Variants in SAMSN1 observed in about 807,000 individuals in gnomAD.
SAMSN1 encodes SAM domain, SH3 domain and nuclear localization signals 1.
SAMSN1 carries 31 observed loss-of-function variants against 42.0 expected under a neutral mutation model. That is an observed-to-expected ratio of 0.74 (90% CI 0.55 to 1.00). The LOEUF (loss-of-function observed/expected upper bound fraction) is 1.00. Among genes scored for constraint, SAMSN1 ranks in the 50% least tolerant of loss-of-function variants. SAMSN1 has a pLI of 0.00. For missense variants in SAMSN1, 464 were observed against 439.4 expected, an observed-to-expected ratio of 1.06 and a Z score of -0.50; for synonymous variants, 178 against 151.9, an observed-to-expected ratio of 1.17 and a Z score of -1.26.
intron 1 of SAMSN1, among the ~76,000 whole-genome samples, chr21:14,539,312 G>A (rs1979844974): frequency 6.6e-6 from 1 of 152,188 alleles, no homozygotes; most frequent in Non-Finnish European, 1.5e-5. Context: ...GCAGGAGAAA[G>A]AAATAAAGGG....
At chr21:14,609,414 T>A in intron 5 of SAMSN1, 2 of 709,908 alleles carry the variant, frequency 2.8e-6, no homozygotes, top group Non-Finnish European at 5.2e-6. Flanking sequence ...AGATGTGAAT[T>A]TTTCTTACCT....
At chr21:14,622,696 G>A (rs910822907) in intron 2 of SAMSN1, among the ~76,000 whole-genome samples, 1 of 152,190 alleles carries the variant, frequency 6.6e-6, no homozygotes, top group Non-Finnish European at 1.5e-5. Flanking sequence ...AAAACACTCT[G>A]CAGGATATTA....
At chr21:14,603,704 G>A (rs773153431) in intron 5 of SAMSN1, among the ~76,000 whole-genome samples, 5 of 152,128 alleles carry the variant, frequency 3.3e-5, no homozygotes, top group Admixed American at 6.6e-5. Flanking sequence ...GGAAGAATTT[G>A]GGCATAAACC....
At chr21:14,657,109 CTG>C (rs1448562770) in intron 1 of SAMSN1, among the ~76,000 whole-genome samples, 1 of 151,822 alleles carries the variant, frequency 6.6e-6, no homozygotes, top group East Asian at 1.9e-4. Flanking sequence ...TGTCACAACA[CTG>C]TGGTTGAGAA....
At chr21:14,541,914 G>T (rs1447140236) in intron 1 of SAMSN1, among the ~76,000 whole-genome samples, 1 of 151,238 alleles carries the variant, frequency 6.6e-6, no homozygotes, top group Non-Finnish European at 1.5e-5. Context: ...AGTCACATAA[G>T]CTCAGGCATG....
chr21:14,584,527 T>G (rs978718532), upstream of SAMSN1, among the ~76,000 whole-genome samples: 39 of 152,224 alleles, frequency 2.6e-4, no homozygotes, highest in African/African-American at 9.2e-4. Flanking sequence ...CTTATTATCT[T>G]AAGTATAGTT....
chr21:14,527,929 C>T (rs949082486), intron 1 of SAMSN1, among the ~76,000 whole-genome samples: 1 of 152,094 alleles, frequency 6.6e-6, no homozygotes, highest in Non-Finnish European at 1.5e-5. Flanking sequence ...AGTCATGCTA[C>T]ACTTCTGGGA....
At chr21:14,491,923 T>C (rs2123652553) in intron 7 of SAMSN1, among the ~76,000 whole-genome samples, 3 of 152,350 alleles carry the variant, frequency 2.0e-5, no homozygotes, top group Non-Finnish European at 4.4e-5. Context: ...ATATTAGTGA[T>C]CTACAATTTG....
chr21:14,562,105 AT>A (rs1980965142), intron 2 of SAMSN1, among the ~76,000 whole-genome samples: 1 of 151,256 alleles, frequency 6.6e-6, no homozygotes, highest in African/African-American at 2.4e-5. Flanking sequence ...GTAGAGCTGA[AT>A]GTAAGGTGAG....
intron 2 of SAMSN1, among the ~76,000 whole-genome samples, chr21:14,566,016 C>A (rs1413634154): frequency 6.6e-6 from 1 of 152,132 alleles, no homozygotes; most frequent in East Asian, 1.9e-4. Flanking sequence ...GATGGACTTG[C>A]TAATTGGTTC....
intron 2 of SAMSN1, among the ~76,000 whole-genome samples, chr21:14,570,242 A>G (rs2123217329): frequency 6.6e-6 from 1 of 152,322 alleles, no homozygotes; most frequent in East Asian, 1.9e-4. Context: ...CATTTCAATC[A>G]CCACAAATGA....
intron 1 of SAMSN1, among the ~76,000 whole-genome samples, chr21:14,648,733 C>G (rs981569721): frequency 2.0e-5 from 3 of 151,650 alleles, no homozygotes; most frequent in African/African-American, 7.3e-5. Flanking sequence ...CCATCTCACA[C>G]CAGTTAGAAT....
At chr21:14,544,679 TAAGGAAG>T (rs1310377072) in intron 1 of SAMSN1, among the ~76,000 whole-genome samples, 1 of 152,182 alleles carries the variant, frequency 6.6e-6, no homozygotes, top group Non-Finnish European at 1.5e-5. Flanking sequence ...ATTTTATGAA[TAAGGAAG>T]TCAAGATTAA....
In SAMSN1 at chr21:14,538,786, T is replaced by C. The variant is rs574042942; in HGVS notation, c.57+7419A>G. Among the ~76,000 whole-genome samples, 24 of 152,280 alleles carry C rather than the reference T, an allele frequency of 1.6e-4. 1 individual carries two copies. Among genetic ancestry groups the C allele is most frequent in the African/African-American group, 5.8e-4 (24 of 41,548 alleles). Reference sequence around the variant, plus strand: ...GAAAGAATGCCACTTCAGTCATTGCTAGTGAAAATTAGCATCTGTGACACT... The same window carrying C: ...GAAAGAATGCCACTTCAGTCATTGCCAGTGAAAATTAGCATCTGTGACACT... On this transcript the variant is annotated intron_variant, in intron 1 of 7. Transcript: ENST00000400566.
intron 5 of SAMSN1, 26 bp downstream of exon 5, chr21:14,510,284 G>A: frequency 6.2e-7 from 1 of 1,609,776 alleles, no homozygotes; most frequent in Non-Finnish European, 8.5e-7. Flanking sequence ...AGACCATTCA[G>A]AAGGTGGGAT....
intron 7 of SAMSN1, chr21:14,591,862 C>T (rs148478622): frequency 1.6e-3 from 249 of 152,264 alleles, no homozygotes; most frequent in Admixed American, 3.7e-3. Context: ...TTTGGAATAA[C>T]ATGCCCTCTG....
intron 2 of SAMSN1, among the ~76,000 whole-genome samples, chr21:14,641,309 GCTTT>G (rs1568840884): frequency 6.6e-6 from 1 of 152,058 alleles, no homozygotes; most frequent in Non-Finnish European, 1.5e-5. Context: ...TATTAAACTT[GCTTT>G]CTAACATTGC....
intron 1 of SAMSN1, among the ~76,000 whole-genome samples, chr21:14,533,713 C>T (rs1979412639): frequency 6.6e-6 from 1 of 152,212 alleles, no homozygotes; most frequent in Non-Finnish European, 1.5e-5. Flanking sequence ...GGAAATTCAT[C>T]TGCCAAGAAA....
At chr21:14,576,860 ATTC>A (rs1470398447) in intron 2 of SAMSN1, among the ~76,000 whole-genome samples, 2 of 151,930 alleles carry the variant, frequency 1.3e-5, no homozygotes, top group African/African-American at 4.8e-5. Context: ...TACTGTTTGA[ATTC>A]TTCTGTAAGC....
Sources: allele counts gnomAD v4.1 joint callset (sites outside exome capture counted in the v4.1 genomes callset), GRCh38; gene constraint gnomAD v4.1.1; transcripts MANE v1.5; gene names NCBI Gene and HGNC (gene_info 2026-07-23, HGNC 2026-07-21).